Variants in CBX5 observed in about 807,000 individuals in gnomAD.
CBX5 encodes chromobox protein homolog 5.
In CBX5, 7 loss-of-function variants were observed where a neutral mutation model predicts 20.7. That is an observed-to-expected ratio of 0.34 (90% confidence interval 0.19 to 0.63). CBX5 has a LOEUF of 0.63. Among genes scored for constraint, CBX5 ranks in the 30% least tolerant of loss-of-function variants. The pLI, the probability that CBX5 is intolerant of heterozygous loss-of-function variation, is 0.75. For synonymous variants in CBX5, 78 were observed against 77.0 expected (o/e 1.01, Z -0.07); for missense variants, 110 against 224.1 (o/e 0.49, Z 3.25).
rs1399915813 is a variant in CBX5 at position 54,232,077 on chromosome 12, A to G, written c.*9678T>C. 6.6e-6 allele frequency: 1 copy of G among 152,210 alleles called. No homozygotes were observed. Among genetic ancestry groups the G allele is most frequent in the Non-Finnish European group, 1.5e-5 (1 of 68,040 alleles). The allele number at this position is 152,210 out of a possible 1,614,324, so 9.4% of individuals were successfully genotyped here. A position where few individuals can be genotyped will look rare whatever the true frequency, so the allele number is the denominator to read the frequency against. On this transcript the variant is annotated 3_prime_UTR_variant, in exon 5 of 5. Coordinates refer to ENST00000209875, the MANE Select transcript of CBX5 (RefSeq NM_012117.3). ...GAACTTTAATCCCCAACCTGCAGAGAGAAATACGCAGTAGCATCCCTGCCT... is the reference window on the plus strand; with the variant it reads ...GAACTTTAATCCCCAACCTGCAGAGGGAAATACGCAGTAGCATCCCTGCCT...
intron 1 of CBX5, chr12:54,278,912 G>A (rs1203054042): frequency 2.0e-5 from 3 of 152,178 alleles, no homozygotes; most frequent in Non-Finnish European, 2.9e-5. Flanking sequence ...GGGAGAAAGA[G>A]ACTAAAATAA....
chr12:54,269,415 A>C (rs1446269511), intron 1 of CBX5, among the ~76,000 whole-genome samples: 2 of 151,978 alleles, frequency 1.3e-5, no homozygotes, highest in Non-Finnish European at 2.9e-5. Flanking sequence ...TTTGAGACAG[A>C]GATTGCTCTG....
chr12:54,251,676 CT>C (rs1272922762), intron 3 of CBX5, among the ~76,000 whole-genome samples: 1 of 152,130 alleles, frequency 6.6e-6, no homozygotes, highest in Admixed American at 6.6e-5. Flanking sequence ...CAGAGCAAGA[CT>C]CTGTCTCAAA....
rs1161444423 is a variant in CBX5 at position 54,241,831 on chromosome 12, A to T, written c.500T>A (p.Phe167Tyr). 2.5e-6 allele frequency: 4 copies of T among 1,613,796 alleles called. No individual in the cohort carries two copies. The Admixed American group carries it at 5.0e-5, about 20-fold the overall frequency. The change falls in exon 5 of 5, where the codon TTT becomes TAT. Residue 167 changes from phenylalanine (F) to tyrosine (Y), a missense_variant. Phe to Tyr is a conservative substitution (Grantham distance 22). Transcript: ENST00000209875. ...ATGCCATGTCAGTCTCTCTTCATAA[A>T]ATGCTATCACAATTTGTGGACATTT... ...NVKCPQIVIA[F>Y]YEERLTWHAY...
intron 1 of CBX5, among the ~76,000 whole-genome samples, chr12:54,274,833 G>A (rs1387354546): frequency 1.3e-5 from 2 of 152,052 alleles, no homozygotes; most frequent in African/African-American, 2.4e-5. Context: ...CCAGCTACTC[G>A]GGAGGCTGAG....
intron 3 of CBX5, among the ~76,000 whole-genome samples, chr12:54,249,401 G>C (rs1943769459): frequency 6.6e-6 from 1 of 150,914 alleles, no homozygotes; most frequent in Non-Finnish European, 1.5e-5. Context: ...TAATTTTACT[G>C]GTCTGGGGTG....
chr12:54,264,881 G>A (rs543544203), intron 1 of CBX5, among the ~76,000 whole-genome samples: 1 of 152,066 alleles, frequency 6.6e-6, no homozygotes, highest in South Asian at 2.1e-4. Flanking sequence ...CAATTGGTAA[G>A]CTGCCTCACT....
intron 2 of CBX5, 21 bp downstream of exon 2, chr12:54,257,493 T>G (rs1943872027): frequency 6.2e-7 from 1 of 1,613,738 alleles, no homozygotes; most frequent in African/African-American, 1.3e-5. Flanking sequence ...TCCCAACGCC[T>G]GGGGGAAAAA....
intron 1 of CBX5, chr12:54,259,510 G>A (rs1310655552): frequency 1.3e-5 from 2 of 152,618 alleles, no homozygotes; most frequent in East Asian, 1.9e-4. Context: ...TTTACCTACC[G>A]GATCGCCCCA....
intron 1 of CBX5, chr12:54,273,692 T>A (rs1463258373): frequency 1.3e-5 from 2 of 152,216 alleles, no homozygotes; most frequent in African/African-American, 4.8e-5. Flanking sequence ...CAAGGAATGC[T>A]GACCATAATC....
chr12:54,242,062 G>T (rs2293602), intron 4 of CBX5, among the ~76,000 whole-genome samples, 157 bp from the exon 5 acceptor site: 79,512 of 151,988 alleles, frequency 0.52, 23,023 homozygotes, highest in African/African-American at 0.77. Context: ...AAGAAGAAAT[G>T]TAAGTAAATG....
chr12:54,242,431 A>G (rs1943686852), intron 4 of CBX5, among the ~76,000 whole-genome samples: 1 of 150,978 alleles, frequency 6.6e-6, no homozygotes, highest in Admixed American at 6.6e-5. Context: ...AGGCTGAGGC[A>G]GGAGAATGGC....
chr12:54,266,392 C>T (rs1251268918), intron 1 of CBX5, among the ~76,000 whole-genome samples: 1 of 151,806 alleles, frequency 6.6e-6, no homozygotes, highest in East Asian at 1.9e-4. Flanking sequence ...AGCGAGACTT[C>T]ATCTCAAAAA....
intron 1 of CBX5, among the ~76,000 whole-genome samples, chr12:54,276,169 T>C (rs550300765): frequency 1.7e-4 from 26 of 152,106 alleles, no homozygotes; most frequent in African/African-American, 6.3e-4. Context: ...AACACATGAG[T>C]AAAAACACCA....
intron 1 of CBX5, among the ~76,000 whole-genome samples, chr12:54,265,205 A>C (rs1158791677): frequency 1.3e-5 from 2 of 152,240 alleles, no homozygotes; most frequent in Non-Finnish European, 2.9e-5. Context: ...CACTGTCTTC[A>C]AAGCATCCTC....
At chr12:54,251,951 T>C in intron 3 of CBX5, 90 bp downstream of exon 3, 3 of 1,213,532 alleles carry the variant, frequency 2.5e-6, no homozygotes, top group Non-Finnish European at 3.4e-6. Context: ...ATCCTTACAA[T>C]AGAAATAACC....
In CBX5 at chr12:54,239,888, T is replaced by C. The variant is rs956990321; in HGVS notation, c.*1867A>G. The C allele has an allele frequency of 3.9e-5, 6 of 152,240 alleles. No individual in the cohort carries two copies. The highest frequency in any genetic ancestry group is 1.9e-4 in the East Asian group (1 of 5,206). The allele number at this position is 152,240 out of a possible 1,614,324, so 9.4% of individuals were successfully genotyped here. ...TCAGCAGCTGAGCAGGGAAGCAATGTTAACAAATGCTATGAATGGGTATAT... is the reference window on the plus strand; with the variant it reads ...TCAGCAGCTGAGCAGGGAAGCAATGCTAACAAATGCTATGAATGGGTATAT... On this transcript the variant is annotated 3_prime_UTR_variant, in exon 5 of 5. Coordinates refer to ENST00000209875, the MANE Select transcript of CBX5 (RefSeq NM_012117.3).
intron 1 of CBX5, among the ~76,000 whole-genome samples, chr12:54,268,988 C>G (rs1391901396): frequency 2.0e-5 from 3 of 152,198 alleles, no homozygotes; most frequent in Admixed American, 2.0e-4. Flanking sequence ...TTGGGCCAGG[C>G]ACGGTGGCTC....
intron 1 of CBX5, among the ~76,000 whole-genome samples, chr12:54,269,820 T>C (rs1012908923): frequency 3.9e-5 from 6 of 152,214 alleles, no homozygotes; most frequent in Non-Finnish European, 7.3e-5. Context: ...CCTGGGCTGG[T>C]CTTGAACTCT....
Sources: gnomAD v4.1 joint callset for allele counts (sites outside exome capture counted in the v4.1 genomes callset) on GRCh38, gnomAD v4.1.1 for gene constraint, MANE v1.5 for transcripts, NCBI Gene and HGNC (gene_info 2026-07-23, HGNC 2026-07-21) for gene names.